The following MRPL35 variants were observed in gnomAD, a reference collection of about 807,000 sequenced individuals.
MRPL35 encodes the protein mitochondrial ribosomal protein L35.
In MRPL35, 18 loss-of-function variants were observed where a neutral mutation model predicts 21.6. The ratio of observed to expected loss-of-function variants is 0.83; its 90% CI spans 0.58 to 1.24. MRPL35 has a LOEUF of 1.24. MRPL35 is among the 50% of genes most tolerant of loss of function. The pLI is 0.00. For synonymous variants in MRPL35, 87 were observed against 86.9 expected, an observed-to-expected ratio of 1.00 and a Z score of -0.01; for missense variants, 223 against 223.2, an observed-to-expected ratio of 1.00 and a Z score of 0.01.
intron 1 of MRPL35, among the ~76,000 whole-genome samples, chr2:86,203,233 C>T (rs1558854158): frequency 1.3e-5 from 2 of 151,972 alleles, no homozygotes; most frequent in Non-Finnish European, 2.9e-5. Flanking sequence ...GCACCTGCCA[C>T]CATGCCCAGC....
intron 1 of MRPL35, among the ~76,000 whole-genome samples, chr2:86,203,364 C>T (rs998123260): frequency 6.6e-6 from 1 of 152,124 alleles, no homozygotes; most frequent in Non-Finnish European, 1.5e-5. Flanking sequence ...GGATTACAGG[C>T]GTGAGCCACC....
rs1673902431 is a variant in MRPL35, at chr2:86,211,537, A to C, written c.*869A>C. The C allele has an allele frequency of 1.0e-6, 1 of 985,486 alleles. No homozygotes were observed. Among genetic ancestry groups the C allele is most frequent in the Non-Finnish European group, 1.2e-6 (1 of 829,938 alleles). The allele number at this position is 985,486 out of a possible 1,614,324, so 61.0% of individuals were successfully genotyped here. The stretch of plus-strand genomic sequence containing the variant: ...CTAACACACCAGGTTCATTGTGTTC[A>C]TAACACTTGTCATTTACTGTAACAA... On this transcript the variant is annotated 3_prime_UTR_variant, in exon 4 of 4. Coordinates refer to ENST00000337109, the MANE Select transcript of MRPL35 (RefSeq NM_016622.4).
chr2:86,209,709 A>G (rs548345628), intron 3 of MRPL35, among the ~76,000 whole-genome samples: 1 of 152,344 alleles, frequency 6.6e-6, no homozygotes, highest in African/African-American at 2.4e-5. Context: ...TGTGCTTCTC[A>G]GCTCTTGTAA....
In MRPL35 at chr2:86,208,343, A is replaced by G. The variant is rs183750262; in HGVS notation, c.378+1016A>G. 1.1e-3 allele frequency among the ~76,000 whole-genome samples: 169 copies of G among 150,492 alleles called. 3 individuals are homozygous for G. Among genetic ancestry groups the G allele is most frequent in the African/African-American group, 4.0e-3 (162 of 40,864 alleles). On this transcript the variant is annotated intron_variant, in intron 3 of 3. Transcript: ENST00000337109. ...TTTTTTTGAGACAAAGTGTCACTCT[A>G]TCGCCCAGGCTAGAGTGCAGTGGCA...
rs1673900015 is a variant in MRPL35 at position 86,211,417 on chromosome 2, C to G, written c.*749C>G. 4.1e-6 allele frequency: 4 copies of G among 985,372 alleles called. No individual in the cohort carries two copies. Among genetic ancestry groups the G allele is most frequent in the Non-Finnish European group, 4.8e-6 (4 of 829,930 alleles). 61.0% of individuals were successfully genotyped at this position (985,372 alleles called of 1,614,324 possible). A position where few individuals can be genotyped will look rare whatever the true frequency, so the allele number is the denominator to read the frequency against. On this transcript the variant is annotated 3_prime_UTR_variant, in exon 4 of 4. Coordinates refer to ENST00000337109, the MANE Select transcript of MRPL35 (RefSeq NM_016622.4). ...GGATTGGCTGTCCTTAAGTCAGGAG[C>G]CCGCTTTGTATTAGCAGGTTTGCAT...
Position 86,211,350 on chromosome 2 carries a change from A to G in MRPL35, c.*682A>G, listed in dbSNP as rs907080606. On this transcript the variant is annotated 3_prime_UTR_variant, in exon 4 of 4. Transcript: ENST00000337109. ...CAAGGGAATTTAACTGGGCCAGACTACCTTTTTATACTAGGTCTGGTTGGG... is the reference window on the plus strand; with the variant it reads ...CAAGGGAATTTAACTGGGCCAGACTGCCTTTTTATACTAGGTCTGGTTGGG... The G allele has an allele frequency of 1.0e-6, 1 of 961,104 alleles. No individual in the cohort carries two copies. The allele number at this position is 961,104 out of a possible 1,614,324, so 59.5% of individuals were successfully genotyped here.
rs113987259 is a variant in MRPL35, at chr2:86,207,549, G to T, written c.378+222G>T. ...ACTCGGGAGGCTGAGGCACATAATT[G>T]CTTGAACCCGGGAGGTGGAGGTTGT... On this transcript the variant is annotated intron_variant, in intron 3 of 3. Transcript: ENST00000337109. Among the ~76,000 whole-genome samples the T allele has an allele frequency of 1.0e-3, 159 of 152,312 alleles. 1 individual carries two copies. Among genetic ancestry groups the T allele is most frequent in the African/African-American group, 3.4e-3 (141 of 41,556 alleles).
intron 3 of MRPL35, 64 bp downstream of exon 3, chr2:86,207,391 C>T: frequency 1.9e-6 from 3 of 1,542,306 alleles, no homozygotes; most frequent in Non-Finnish European, 2.6e-6. Flanking sequence ...TGGCTCACGC[C>T]TATAATCCCA....
At chr2:86,202,427 T>A (rs945099729) in intron 1 of MRPL35, among the ~76,000 whole-genome samples, 1 of 152,222 alleles carries the variant, frequency 6.6e-6, no homozygotes, top group African/African-American at 2.4e-5. Context: ...AGGATCTTCA[T>A]AAAAATTGAG....
At chr2:86,206,587 G>A (rs1262776649) in intron 2 of MRPL35, among the ~76,000 whole-genome samples, 1 of 152,190 alleles carries the variant, frequency 6.6e-6, no homozygotes, top group Non-Finnish European at 1.5e-5. Context: ...CCTAGAAGTA[G>A]GTGGTATTCT....
Position 86,210,996 on chromosome 2 carries a change from T to C in MRPL35, c.*328T>C, listed in dbSNP as rs1673892805. 15 of 1,002,918 alleles carry C rather than the reference T, an allele frequency of 1.5e-5. No individual in the cohort carries two copies. The highest frequency in any genetic ancestry group is 1.4e-5 in the Non-Finnish European group (12 of 841,420). 62.1% of individuals were successfully genotyped at this position (1,002,918 alleles called of 1,614,324 possible). Reference sequence around the variant, plus strand: ...AAAAGCTACAAGTTAGCTCAAGCAATGTGACATTATTTCAAGGATATGTGC... The same window carrying C: ...AAAAGCTACAAGTTAGCTCAAGCAACGTGACATTATTTCAAGGATATGTGC... On this transcript the variant is annotated 3_prime_UTR_variant, in exon 4 of 4. Coordinates refer to ENST00000337109, the MANE Select transcript of MRPL35 (RefSeq NM_016622.4).
Position 86,211,589 on chromosome 2 carries a change from C to T in MRPL35, c.*921C>T. On this transcript the variant is annotated 3_prime_UTR_variant, in exon 4 of 4. Coordinates refer to ENST00000337109, the MANE Select transcript of MRPL35 (RefSeq NM_016622.4). ...ATTTTTTCATAGGAGAGTAAATAGC[C>T]CTTCAGCATGCTCATTCATGAAACA... 2.0e-6 allele frequency: 2 copies of T among 985,332 alleles called. No homozygotes were observed. The highest frequency in any genetic ancestry group is 2.4e-6 in the Non-Finnish European group (2 of 829,920). 61.0% of individuals were successfully genotyped at this position (985,332 alleles called of 1,614,324 possible). A position where few individuals can be genotyped will look rare whatever the true frequency, so the allele number is the denominator to read the frequency against.
At position 86,211,420 on chromosome 2, in the gene MRPL35, G is replaced by T; in HGVS notation, c.*752G>T. Reference sequence around the variant, plus strand: ...TTGGCTGTCCTTAAGTCAGGAGCCCGCTTTGTATTAGCAGGTTTGCATGCA... The same window carrying T: ...TTGGCTGTCCTTAAGTCAGGAGCCCTCTTTGTATTAGCAGGTTTGCATGCA... On this transcript the variant is annotated 3_prime_UTR_variant, in exon 4 of 4. Coordinates refer to ENST00000337109, the MANE Select transcript of MRPL35 (RefSeq NM_016622.4). The T allele has an allele frequency of 1.0e-6, 1 of 985,372 alleles. No homozygotes were observed. Among genetic ancestry groups the T allele is most frequent in the Non-Finnish European group, 1.2e-6 (1 of 829,944 alleles). The allele number at this position is 985,372 out of a possible 1,614,324, so 61.0% of individuals were successfully genotyped here.
chr2:86,205,766 G>T (rs1448587944), intron 1 of MRPL35, among the ~76,000 whole-genome samples: 6 of 152,172 alleles, frequency 3.9e-5, no homozygotes, highest in Admixed American at 3.3e-4. Flanking sequence ...CTGTGTGTGG[G>T]AATTCTGTCT....
At chr2:86,205,426 G>A (rs1013358446) in intron 1 of MRPL35, among the ~76,000 whole-genome samples, 2 of 151,148 alleles carry the variant, frequency 1.3e-5, no homozygotes, top group African/African-American at 2.4e-5. Context: ...CTCTCTCTGC[G>A]ATTGCAGAGA....
At chr2:86,209,211 C>A (rs1043145451) in intron 3 of MRPL35, among the ~76,000 whole-genome samples, 1 of 152,168 alleles carries the variant, frequency 6.6e-6, no homozygotes, top group Admixed American at 6.5e-5. Flanking sequence ...ATTCTAAAAC[C>A]AGAACTCTTA....
At chr2:86,201,112 T>A (rs1405095905) in intron 1 of MRPL35, among the ~76,000 whole-genome samples, 1 of 152,228 alleles carries the variant, frequency 6.6e-6, no homozygotes, top group Non-Finnish European at 1.5e-5. Context: ...TGGAATTGCC[T>A]GGTCAGAGAA....
Position 86,212,326 on chromosome 2 carries a change from A to G in MRPL35, c.*1658A>G, listed in dbSNP as rs1282995306. ...CAAGTGCGTGTCTACTTATGGGACC[A>G]ATAAATAAAGAACAGACATTTGATT... On this transcript the variant is annotated 3_prime_UTR_variant, in exon 4 of 4. Coordinates refer to ENST00000337109, the MANE Select transcript of MRPL35 (RefSeq NM_016622.4). The G allele has an allele frequency of 6.4e-7, 1 of 1,566,432 alleles. No homozygotes were observed. The highest frequency in any genetic ancestry group is 8.7e-7 in the Non-Finnish European group (1 of 1,147,886).
Position 86,213,643 on chromosome 2 carries a change from C to A in MRPL35, c.*2975C>A, listed in dbSNP as rs1673960453. ...ACCTGCACAGGCACTCCCCCATTTG[C>A]AGATGAAGAAATGTTCAGAGAAGAA... On this transcript the variant is annotated 3_prime_UTR_variant, in exon 4 of 4. Transcript: ENST00000337109. 1 of 1,550,320 alleles carries A rather than the reference C, an allele frequency of 6.5e-7. No homozygotes were observed. The highest frequency in any genetic ancestry group is 1.4e-5 in the African/African-American group (1 of 73,028).
Sources: allele counts gnomAD v4.1 joint callset (sites outside exome capture counted in the v4.1 genomes callset), GRCh38; gene constraint gnomAD v4.1.1; transcripts MANE v1.5; gene names NCBI Gene and HGNC (gene_info 2026-07-23, HGNC 2026-07-21).